Variants in CD22 observed in about 807,000 individuals in gnomAD.
CD22 encodes B-cell receptor CD22.
Under a neutral mutation model 94.7 loss-of-function variants are expected in CD22, and 51 were observed. The observed-to-expected ratio is 0.54, with a 90% CI of 0.43 to 0.68. The LOEUF (loss-of-function observed/expected upper bound fraction) is 0.68. Among genes scored for constraint, CD22 ranks in the 30% least tolerant of loss-of-function variants. The pLI is 0.00. For synonymous variants in CD22, 424 were observed against 422.5 expected (o/e 1.00, Z -0.04); for missense variants, 931 against 1,060.4 (o/e 0.88, Z 1.69).
intron 3 of CD22, among the ~76,000 whole-genome samples, chr19:35,334,673 C>T (rs1483973266): frequency 6.6e-6 from 1 of 152,164 alleles, no homozygotes; most frequent in African/African-American, 2.4e-5. Context: ...ACCCACTCCA[C>T]TAAAGGAATG....
chr19:35,338,509 C>T, intron 6 of CD22, 78 bp downstream of exon 6: 1 of 1,473,618 alleles, frequency 6.8e-7, no homozygotes, highest in South Asian at 1.3e-5. Context: ...GGGTGCAGGG[C>T]ATTCCGGGGT....
chr19:35,335,268 G>A (rs1018199375), intron 3 of CD22, among the ~76,000 whole-genome samples: 9 of 152,028 alleles, frequency 5.9e-5, no homozygotes, highest in African/African-American at 2.2e-4. Flanking sequence ...GAGAAAAGCA[G>A]GACTGCGTTG....
chr19:35,338,161 C>A lies in CD22; in HGVS notation c.986-7C>A. 6.2e-7 allele frequency: 1 copy of A among 1,605,030 alleles called. No homozygotes were observed. Among genetic ancestry groups the A allele is most frequent in the East Asian group, 2.2e-5 (1 of 44,812 alleles). On this transcript the variant is annotated splice_polypyrimidine_tract_variant and splice_region_variant and intron_variant, in intron 5 of 13. Coordinates refer to ENST00000085219, the MANE Select transcript of CD22 (RefSeq NM_001771.4). ...ACCCCTCCACTCGCCTCTGCCCCCT[C>A]TTCCAGATGCCCCGGAACCTTCCAC...
rs755546038 is a variant in CD22 at position 35,338,312 on chromosome 19, C to A, written c.1130C>A (p.Thr377Lys). The A allele has an allele frequency of 6.2e-7, 1 of 1,614,108 alleles. No individual in the cohort carries two copies. Among genetic ancestry groups the A allele is most frequent in the Non-Finnish European group, 8.5e-7 (1 of 1,180,050 alleles). Residue 377 changes from threonine (T) to lysine (K), a missense_variant, in exon 6 of 14, where the codon ACA (threonine) becomes AAA (lysine). Physicochemically the swap from Thr to Lys is moderately conservative, Grantham distance 78. Coordinates refer to ENST00000085219, the MANE Select transcript of CD22 (RefSeq NM_001771.4). ...YHNGKEMQGR[T>K]EEKVHIPKIL... ...AATGGGAAAGAAATGCAGGGAAGGA[C>A]AGAGGAGAAAGTCCACATCCCAAAG... is the stretch of plus-strand genomic sequence containing the variant.
At position 35,338,219 on chromosome 19, in the gene CD22, G is replaced by A; in HGVS notation, c.1037G>A (p.Gly346Glu). ...ATCCTCCACTCACCGGCTGTGGAGGGAAGTCAAGTCGAGTTTCTTTGCATG... is the reference window on the plus strand; with the variant it reads ...ATCCTCCACTCACCGGCTGTGGAGGAAAGTCAAGTCGAGTTTCTTTGCATG... ...VQILHSPAVE[G>E]SQVEFLCMSL... Residue 346 changes from glycine (G) to glutamate (E), a missense_variant, in exon 6 of 14, where the codon GGA becomes GAA. Coordinates refer to ENST00000085219, the MANE Select transcript of CD22 (RefSeq NM_001771.4). The A allele has an allele frequency of 6.2e-7, 1 of 1,614,216 alleles. No individual in the cohort carries two copies. Among genetic ancestry groups the A allele is most frequent in the African/African-American group, 1.3e-5 (1 of 75,062 alleles).
Position 35,338,300 on chromosome 19 carries a change from T to G in CD22, c.1118T>G (p.Met373Arg), listed in dbSNP as rs1425833831. The G allele has an allele frequency of 6.2e-7, 1 of 1,614,134 alleles. No homozygotes were observed. The highest frequency in any genetic ancestry group is 1.7e-5 in the Admixed American group (1 of 60,022). ...ACGTGGTACCACAATGGGAAAGAAA[T>G]GCAGGGAAGGACAGAGGAGAAAGTC... is the stretch of plus-strand genomic sequence containing the variant. ...NYTWYHNGKE[M>R]QGRTEEKVHI... The change falls in exon 6 of 14, where the codon ATG (methionine) becomes AGG (arginine). Residue 373 changes from methionine to arginine, a missense_variant. By Grantham distance (91) the Met-to-Arg change is moderately conservative (BLOSUM62 -1). Transcript: ENST00000085219.
At chr19:35,345,822 C>A in intron 12 of CD22, 102 bp downstream of exon 12, 2 of 824,234 alleles carry the variant, frequency 2.4e-6, no homozygotes, top group Non-Finnish European at 4.1e-6. Flanking sequence ...TGCCAGGCAC[C>A]CTGATACATG....
Position 35,337,764 on chromosome 19 carries a change from A to T in CD22, c.728A>T (p.Lys243Met). The T allele has an allele frequency of 6.3e-7, 1 of 1,596,832 alleles. No homozygotes were observed. Among genetic ancestry groups the T allele is most frequent in the Non-Finnish European group, 8.6e-7 (1 of 1,166,518 alleles). The change falls in exon 5 of 14, where the codon AAG becomes ATG. Residue 243 changes from lysine to methionine, a missense_variant. By Grantham distance (95) the Lys-to-Met change is moderately conservative. Coordinates refer to ENST00000085219, the MANE Select transcript of CD22 (RefSeq NM_001771.4). This position sits in a 1 kb window ranked among gnomAD's most constrained non-coding sequence, Gnocchi z 4.4. ...TVQLNVKHTP[K>M]LEIKVTPSDA... is the part of the protein sequence containing the mutation. The stretch of plus-strand genomic sequence containing the variant: ...CCCTCTGCTCCTCCAGACACCCCGA[A>T]GTTGGAGATCAAGGTCACTCCCAGT...
At chr19:35,336,932 G>A (rs186698987) in intron 4 of CD22, among the ~76,000 whole-genome samples, 1 of 152,314 alleles carries the variant, frequency 6.6e-6, no homozygotes, top group African/African-American at 2.4e-5. Flanking sequence ...GATGGAGAGA[G>A]ACCTCTCTAA....
chr19:35,332,918 G>GTC lies in CD22; in HGVS notation c.410_411dup (p.Glu138LeufsTer23). 1 of 1,613,294 alleles carries GTC rather than the reference G, an allele frequency of 6.2e-7. No homozygotes were observed. Among genetic ancestry groups the GTC allele is most frequent in the Non-Finnish European group, 8.5e-7 (1 of 1,179,308 alleles). ...ATGGATGGAACGAATACACCTCAAT[G>GTC]TCTCTGGTAAGGCCTTCGGGGAGCG... On this transcript the variant is annotated frameshift_variant, in exon 3 of 14. Coordinates refer to ENST00000085219, the MANE Select transcript of CD22 (RefSeq NM_001771.4). LOFTEE classifies it high-confidence loss of function.
In CD22 at chr19:35,345,031, CAT is replaced by C. The variant is rs768867473; in HGVS notation, c.2133-19_2133-18del. 15 of 1,612,106 alleles carry C rather than the reference CAT, an allele frequency of 9.3e-6. No homozygotes were observed. The Admixed American group carries it at 1.8e-4, about 20-fold the overall frequency. ...GCCTGTGGAGTCCCTGACCCTCACA[CAT>C]GTGCCTTTATTTCTCAGTTGGAAGA... is the stretch of plus-strand genomic sequence containing the variant. On this transcript the variant is annotated intron_variant, in intron 10 of 13. Transcript: ENST00000085219.
chr19:35,338,375 C>T lies in CD22; in HGVS notation c.1193C>T (p.Ala398Val). The change falls in exon 6 of 14, where the codon GCA (alanine) becomes GTA (valine). Residue 398 changes from alanine to valine, a missense_variant. Transcript: ENST00000085219. The part of the protein sequence containing the change: ...PWHAGTYSCV[A>V]ENILGTGQRG... ...CACGCTGGGACTTATTCCTGTGTGG[C>T]AGAAAACATTCTTGGTACTGGACAG... The T allele has an allele frequency of 6.2e-7, 1 of 1,614,104 alleles. No homozygotes were observed. Among genetic ancestry groups the T allele is most frequent in the Non-Finnish European group, 8.5e-7 (1 of 1,180,018 alleles).
intron 4 of CD22, chr19:35,336,722 G>T: frequency 8.8e-6 from 2 of 226,182 alleles, no homozygotes; most frequent in Admixed American, 5.2e-5. Context: ...GCAGGGTGCA[G>T]CAGTGAGCAA....
intron 13 of CD22, 79 bp from the exon 14 acceptor site, chr19:35,346,487 G>A: frequency 1.3e-6 from 2 of 1,542,288 alleles, no homozygotes; most frequent in Non-Finnish European, 1.8e-6. Context: ...CGGGTGGAAT[G>A]AAGGAGAGAA....
chr19:35,345,098 G>A lies in CD22; in HGVS notation c.2180G>A (p.Gly727Asp), dbSNP rs1484316868. 2 of 1,613,846 alleles carry A rather than the reference G, an allele frequency of 1.2e-6. No individual in the cohort carries two copies. The highest frequency in any genetic ancestry group is 1.3e-5 in the African/African-American group (1 of 74,856). ...SQQGLQENSSGQSFFVRNKKV... is the reference protein window; with the variant it reads ...SQQGLQENSSDQSFFVRNKKV... ...CAGGGGCTTCAGGAGAATTCCAGCG[G>A]CCAGAGCTTCTTTGTGAGGAATAAA... Residue 727 changes from glycine to aspartate, a missense_variant, in exon 11 of 14, where the codon GGC becomes GAC. Gly to Asp is a moderately conservative substitution (Grantham distance 94, BLOSUM62 -1). Transcript: ENST00000085219.
Position 35,346,840 on chromosome 19 carries a change from A to C in CD22, c.*143A>C. On this transcript the variant is annotated 3_prime_UTR_variant, in exon 14 of 14. Coordinates refer to ENST00000085219, the MANE Select transcript of CD22 (RefSeq NM_001771.4). ...CACGCACACACACACACACACACTC[A>C]CTGCGGAGAACCTTGTGCCTGGCTC... 1.2e-6 allele frequency: 1 copy of C among 815,058 alleles called. No homozygotes were observed. The highest frequency in any genetic ancestry group is 1.9e-6 in the Non-Finnish European group (1 of 540,202). 50.5% of individuals were successfully genotyped at this position (815,058 alleles called of 1,614,324 possible). A position where few individuals can be genotyped will look rare whatever the true frequency, so the allele number is the denominator to read the frequency against.
chr19:35,343,980 T>C lies in CD22; in HGVS notation c.2036-849T>C, dbSNP rs1361742642. Among the ~76,000 whole-genome samples, 5 of 152,160 alleles carry C rather than the reference T, an allele frequency of 3.3e-5. No individual in the cohort carries two copies. The South Asian group carries it at 8.3e-4, about 25-fold the overall frequency. ...GGAGGCCACAAGGTGGGTGGATCAC[T>C]TGAGGCCAGGAGTTCCAGACCAGCC... On this transcript the variant is annotated intron_variant, in intron 9 of 13. Transcript: ENST00000085219.
At chr19:35,332,438 C>A (rs1252385182) in intron 2 of CD22, 109 bp from the exon 3 acceptor site, 1 of 1,158,892 alleles carries the variant, frequency 8.6e-7, no homozygotes, top group East Asian at 2.6e-5. Flanking sequence ...ATAGCAAGAC[C>A]CCTATCTCTA....
At chr19:35,334,115 G>A (rs896393179) in intron 3 of CD22, among the ~76,000 whole-genome samples, 3 of 152,192 alleles carry the variant, frequency 2.0e-5, no homozygotes, top group Non-Finnish European at 2.9e-5. Context: ...GACTTTGAGC[G>A]TTAGTGGGGG....
Sources: gnomAD v4.1 joint callset for allele counts (sites outside exome capture counted in the v4.1 genomes callset) on GRCh38, gnomAD v4.1.1 for gene constraint, Gnocchi (gnomAD v3.1) non-coding constraint, MANE v1.5 for transcripts, NCBI Gene and HGNC (gene_info 2026-07-23, HGNC 2026-07-21) for gene names.